Variants in CLSTN2 observed in about 807,000 individuals in gnomAD.
The protein encoded by CLSTN2 is calsyntenin 2, also known as calsyntenin-2.
Under a neutral mutation model 101.2 loss-of-function variants are expected in CLSTN2, and 48 were observed. The observed-to-expected ratio is 0.47, with a 90% CI of 0.38 to 0.60. The LOEUF is 0.60. Among genes scored for constraint, CLSTN2 ranks in the 20% least tolerant of loss-of-function variants. The probability of loss-of-function intolerance (pLI) is 0.00; values close to 1 mark genes in which losing one functional copy is unlikely to be tolerated. For missense variants in CLSTN2, 1,160 were observed against 1,238.2 expected (o/e 0.94, Z 0.95); for synonymous variants, 481 against 463.6 (o/e 1.04, Z -0.48).
At chr3:140,559,564 G>C (rs1318514625) in intron 12 of CLSTN2, among the ~76,000 whole-genome samples, 2 of 151,386 alleles carry the variant, frequency 1.3e-5, no homozygotes, top group African/African-American at 4.9e-5. Context: ...GGGGTCAGGG[G>C]GGCGGGGAAG....
At chr3:139,948,335 G>T (rs1935243657) in intron 1 of CLSTN2, among the ~76,000 whole-genome samples, 1 of 151,956 alleles carries the variant, frequency 6.6e-6, no homozygotes, top group South Asian at 2.1e-4. Context: ...CATGGTGGTG[G>T]GTGCCTGTAA....
chr3:140,077,431 C>T (rs2008511119), intron 1 of CLSTN2, among the ~76,000 whole-genome samples: 2 of 152,228 alleles, frequency 1.3e-5, no homozygotes, highest in Non-Finnish European at 2.9e-5. Flanking sequence ...TGTCCAGCAC[C>T]TGCTCAAAAC....
intron 1 of CLSTN2, among the ~76,000 whole-genome samples, chr3:140,010,242 T>C (rs999879919): frequency 9.2e-5 from 14 of 152,270 alleles, no homozygotes; most frequent in Non-Finnish European, 1.8e-4. Context: ...GGGAGATTTC[T>C]GTACCCTGCC....
chr3:140,526,646 A>AAC (rs1935147637), intron 8 of CLSTN2, among the ~76,000 whole-genome samples: 2 of 122,284 alleles, frequency 1.6e-5, no homozygotes, highest in African/African-American at 6.2e-5. Context: ...ACAACAACAA[A>AAC]AAAAAAACTG....
intron 6 of CLSTN2, 29 bp from the exon 7 acceptor site, chr3:140,459,492 G>T: frequency 1.2e-5 from 19 of 1,611,766 alleles, no homozygotes; most frequent in Non-Finnish European, 1.6e-5. Flanking sequence ...ATCATGACCT[G>T]TTATCCTTTC....
chr3:140,076,873 A>G (rs914335584), intron 1 of CLSTN2, among the ~76,000 whole-genome samples: 3 of 152,102 alleles, frequency 2.0e-5, no homozygotes, highest in Admixed American at 1.3e-4. Flanking sequence ...AAGGGAGACC[A>G]CAGTCCCTGC....
At chr3:140,526,349 T>C (rs72976039) in intron 8 of CLSTN2, among the ~76,000 whole-genome samples, 15,521 of 151,870 alleles carry the variant, frequency 0.1, 2,614 homozygotes, top group African/African-American at 0.35. Context: ...TAAGAATTCG[T>C]CTAACCAAGG....
chr3:140,076,625 G>GTTTTTTTTTTTTT lies in CLSTN2; in HGVS notation c.110-99310_110-99298dup, dbSNP rs35645750. On this transcript the variant is annotated intron_variant, in intron 1 of 16. Coordinates refer to ENST00000458420, the MANE Select transcript of CLSTN2 (RefSeq NM_022131.3). ...CAATGACTCCCCTCTCACCAGCAGT[G>GTTTTTTTTTTTTT]TTTTTTTTTTTTTTTTTTTTTTTTT... 1.3e-3 allele frequency among the ~76,000 whole-genome samples: 48 copies of GTTTTTTTTTTTTT among 38,072 alleles called. 9 individuals are homozygous for GTTTTTTTTTTTTT. Among genetic ancestry groups the GTTTTTTTTTTTTT allele is most frequent in the African/African-American group, 4.8e-3 (43 of 8,920 alleles). 25.0% of individuals were successfully genotyped at this position (38,072 alleles called of 152,430 possible).
rs1985539896 is a variant in CLSTN2, at chr3:140,571,339, A to G, written c.*5086A>G. ...CTTGGCTCTATGGCTCAATATCAGC[A>G]AGAAGAAAAAAAGACAACTTTTTTT... On this transcript the variant is annotated 3_prime_UTR_variant, in exon 17 of 17. Transcript: ENST00000458420. 1 of 151,928 alleles carries G rather than the reference A, an allele frequency of 6.6e-6. No individual in the cohort carries two copies. The highest frequency in any genetic ancestry group is 6.6e-5 in the Admixed American group (1 of 15,248). The allele number at this position is 151,928 out of a possible 1,614,324, so 9.4% of individuals were successfully genotyped here.
At chr3:140,323,261 G>C (rs2087301891) in intron 2 of CLSTN2, among the ~76,000 whole-genome samples, 1 of 152,210 alleles carries the variant, frequency 6.6e-6, no homozygotes. Context: ...TGGACCACTG[G>C]TCAGGGAACT....
intron 2 of CLSTN2, among the ~76,000 whole-genome samples, chr3:140,257,560 GGGTGT>G (rs1559821157): frequency 0.045 from 5,105 of 114,204 alleles, 131 homozygotes; most frequent in Non-Finnish European, 0.062. Flanking sequence ...TTCTTTCTAG[GGGTGT>G]GTGTGTGTGT....
At chr3:140,150,049 C>A (rs927514894) in intron 1 of CLSTN2, among the ~76,000 whole-genome samples, 4 of 152,152 alleles carry the variant, frequency 2.6e-5, no homozygotes, top group Non-Finnish European at 4.4e-5. Flanking sequence ...TGAGGCATCA[C>A]CCTTCAGTGA....
At chr3:139,961,035 C>T (rs1019316421) in intron 1 of CLSTN2, among the ~76,000 whole-genome samples, 8 of 152,082 alleles carry the variant, frequency 5.3e-5, no homozygotes, top group South Asian at 2.1e-4. Context: ...ACCAAATACC[C>T]GCCTTGGGCA....
chr3:140,273,578 C>T (rs1337947417), intron 2 of CLSTN2, among the ~76,000 whole-genome samples: 1 of 152,080 alleles, frequency 6.6e-6, no homozygotes, highest in African/African-American at 2.4e-5. Flanking sequence ...TCTGTATAAG[C>T]CATTGTGTGG....
chr3:140,419,682 CGT>C (rs1660526339), intron 4 of CLSTN2, among the ~76,000 whole-genome samples: 2 of 56,608 alleles, frequency 3.5e-5, no homozygotes, highest in Admixed American at 3.0e-4. Flanking sequence ...TATGTATATA[CGT>C]ATATATACGT....
chr3:139,991,247 C>T (rs1000835674), intron 1 of CLSTN2, among the ~76,000 whole-genome samples: 2 of 151,974 alleles, frequency 1.3e-5, no homozygotes, highest in African/African-American at 2.4e-5. Context: ...CTAAAACAAC[C>T]GTATCTATTA....
intron 2 of CLSTN2, among the ~76,000 whole-genome samples, chr3:140,236,041 C>G (rs1034477389): frequency 6.6e-6 from 1 of 152,006 alleles, no homozygotes; most frequent in African/African-American, 2.4e-5. Context: ...AAGTGTTAGC[C>G]CCATTCTGAG....
chr3:140,399,875 C>G (rs940201022), intron 2 of CLSTN2, among the ~76,000 whole-genome samples: 3 of 152,038 alleles, frequency 2.0e-5, no homozygotes, highest in African/African-American at 4.8e-5. Flanking sequence ...CCTCCCTCCC[C>G]CTGTTTGTAT....
chr3:140,298,266 G>A (rs2107907933), intron 2 of CLSTN2, among the ~76,000 whole-genome samples: 1 of 152,142 alleles, frequency 6.6e-6, no homozygotes, highest in East Asian at 1.9e-4. Flanking sequence ...TGTAAAATGG[G>A]CCTAATATAG....
Sources: allele counts gnomAD v4.1 joint callset (sites outside exome capture counted in the v4.1 genomes callset), GRCh38; gene constraint gnomAD v4.1.1; transcripts MANE v1.5; gene names NCBI Gene and HGNC (gene_info 2026-07-23, HGNC 2026-07-21).